ZNF385D: variants seen among roughly 807,000 people sequenced by gnomAD.
ZNF385D encodes the protein zinc finger protein 385D, also known as zinc finger protein 659.
ZNF385D carries 15 observed loss-of-function variants against 35.8 expected under a neutral mutation model. The observed-to-expected ratio is 0.42, with a 90% CI of 0.28 to 0.64. ZNF385D has a LOEUF of 0.64. Among genes scored for constraint, ZNF385D ranks in the 30% least tolerant of loss-of-function variants. ZNF385D has a pLI of 0.23. For synonymous variants in ZNF385D, 212 were observed against 186.8 expected, an observed-to-expected ratio of 1.13 and a Z score of -1.10; for missense variants, 474 against 494.6, an observed-to-expected ratio of 0.96 and a Z score of 0.39.
chr3:21,564,475 G>T (rs1160045916), intron 3 of ZNF385D, 99 bp downstream of exon 3: 2 of 640,888 alleles, frequency 3.1e-6, no homozygotes, highest in Non-Finnish European at 4.9e-6. Context: ...GACATGCTCA[G>T]TTACTGGAGA....
intron 2 of ZNF385D, among the ~76,000 whole-genome samples, chr3:21,621,502 A>T (rs2065004446): frequency 6.6e-6 from 1 of 151,886 alleles, no homozygotes; most frequent in African/African-American, 2.4e-5. Flanking sequence ...TTGACAAGGC[A>T]TTGAGCAAGA....
chr3:22,366,666 T>C (rs910274449), intron 2 of ZNF385D, among the ~76,000 whole-genome samples: 4 of 152,202 alleles, frequency 2.6e-5, no homozygotes, highest in Non-Finnish European at 4.4e-5. Context: ...CCTGTACTCC[T>C]CAGTCCTTAC....
intron 2 of ZNF385D, among the ~76,000 whole-genome samples, chr3:22,233,553 T>G (rs1699014443): frequency 6.6e-6 from 1 of 152,176 alleles, no homozygotes; most frequent in Admixed American, 6.6e-5. Flanking sequence ...TATGTGCGTA[T>G]TATTGCATGC....
intron 3 of ZNF385D, among the ~76,000 whole-genome samples, chr3:22,018,031 C>T (rs1000926105): frequency 1.3e-5 from 2 of 151,708 alleles, no homozygotes; most frequent in African/African-American, 2.4e-5. Context: ...ATATAGAACT[C>T]TACTATTTTT....
chr3:22,129,395 T>C lies in ZNF385D; in HGVS notation c.325+39422A>G, dbSNP rs369857209. Among the ~76,000 whole-genome samples the C allele has an allele frequency of 1.1e-4, 17 of 152,306 alleles. 1 individual carries two copies. Among genetic ancestry groups the C allele is most frequent in the Admixed American group, 7.2e-4 (11 of 15,290 alleles). ...AGCGGGTGATGAATCCTGCCAGGACTAAGTCTTTTCCTTCAGTGCAGCAGG... is the reference window on the plus strand; with the variant it reads ...AGCGGGTGATGAATCCTGCCAGGACCAAGTCTTTTCCTTCAGTGCAGCAGG... On this transcript the variant is annotated intron_variant, in intron 3 of 5. Coordinates refer to the ZNF385D transcript ENST00000494108.
intron 3 of ZNF385D, among the ~76,000 whole-genome samples, chr3:21,546,526 T>A (rs1445702739): frequency 6.6e-6 from 1 of 151,926 alleles, no homozygotes; most frequent in Non-Finnish European, 1.5e-5. Context: ...CACCTTAGAT[T>A]TGGCTTATGA....
rs1448538994 is a variant in ZNF385D at position 21,983,217 on chromosome 3, G to A, written c.325+185600C>T. 2.1e-5 allele frequency among the ~76,000 whole-genome samples: 3 copies of A among 144,966 alleles called. No individual in the cohort carries two copies. The Admixed American group carries it at 2.1e-4, about 10-fold the overall frequency. ...TTAGGGTACATGTGCACATTGTGCAGGTTAGTTACATATGTATACATGTGC... is the reference window on the plus strand; with the variant it reads ...TTAGGGTACATGTGCACATTGTGCAAGTTAGTTACATATGTATACATGTGC... On this transcript the variant is annotated intron_variant, in intron 3 of 5. Coordinates refer to the ZNF385D transcript ENST00000494108.
At chr3:22,304,880 T>A (rs1032567740) in intron 2 of ZNF385D, among the ~76,000 whole-genome samples, 1 of 152,152 alleles carries the variant, frequency 6.6e-6, no homozygotes, top group Non-Finnish European at 1.5e-5. Flanking sequence ...GGGTACTTTG[T>A]TTCATTATAG....
intron 3 of ZNF385D, among the ~76,000 whole-genome samples, chr3:21,900,026 A>T (rs1316061199): frequency 2.0e-5 from 3 of 152,160 alleles, no homozygotes; most frequent in Non-Finnish European, 2.9e-5. Context: ...TTTCAACCCT[A>T]TGTTCAAAAA....
At chr3:22,319,486 T>G (rs537069506) in intron 2 of ZNF385D, among the ~76,000 whole-genome samples, 154 of 152,196 alleles carry the variant, frequency 1.0e-3, no homozygotes, top group Admixed American at 2.0e-3. Context: ...CTGGGAAACT[T>G]TGGGGAAAAG....
intron 2 of ZNF385D, among the ~76,000 whole-genome samples, chr3:22,207,133 C>G (rs73145056): frequency 0.023 from 3,469 of 151,868 alleles, 141 homozygotes; most frequent in African/African-American, 0.079. Context: ...CAACAGTAAG[C>G]CAATGAATTT....
chr3:22,138,561 T>C (rs1704301171), intron 3 of ZNF385D, among the ~76,000 whole-genome samples: 1 of 151,254 alleles, frequency 6.6e-6, no homozygotes, highest in African/African-American at 2.4e-5. Flanking sequence ...AAACAAGAAA[T>C]GGGGAAAGGA....
At chr3:21,667,612 G>A (rs1157920656) in intron 1 of ZNF385D, among the ~76,000 whole-genome samples, 1 of 152,204 alleles carries the variant, frequency 6.6e-6, no homozygotes, top group East Asian at 1.9e-4. Context: ...AAACTCTGCA[G>A]TTGTTTATCT....
At chr3:21,537,096 CAG>C (rs936796443) in intron 3 of ZNF385D, among the ~76,000 whole-genome samples, 2 of 144,222 alleles carry the variant, frequency 1.4e-5, no homozygotes, top group East Asian at 2.0e-4. Flanking sequence ...CAATGCAAAA[CAG>C]AAATTCATGG....
chr3:21,775,659 G>A (rs1257763610), intron 3 of ZNF385D, among the ~76,000 whole-genome samples: 8 of 151,718 alleles, frequency 5.3e-5, no homozygotes, highest in Non-Finnish European at 2.9e-5. Flanking sequence ...CTTCATAGAT[G>A]TTTGTTGTTT....
At chr3:21,814,128 C>A (rs574908168) in intron 3 of ZNF385D, among the ~76,000 whole-genome samples, 12 of 152,248 alleles carry the variant, frequency 7.9e-5, no homozygotes, top group Non-Finnish European at 1.0e-4. Flanking sequence ...GAAATAAAAT[C>A]CTTTACAGAC....
At chr3:21,831,361 T>C (rs1030942218) in intron 3 of ZNF385D, among the ~76,000 whole-genome samples, 7 of 152,106 alleles carry the variant, frequency 4.6e-5, no homozygotes, top group African/African-American at 1.4e-4. Flanking sequence ...GGCAAGAACA[T>C]AGTAGGTAAT....
intron 3 of ZNF385D, among the ~76,000 whole-genome samples, chr3:21,995,800 T>C (rs978185006): frequency 6.6e-6 from 1 of 151,792 alleles, no homozygotes; most frequent in African/African-American, 2.4e-5. Flanking sequence ...TACTGCTAGT[T>C]GGTAGGGAGA....
At chr3:22,031,145 T>G (rs942866390) in intron 3 of ZNF385D, among the ~76,000 whole-genome samples, 1 of 152,178 alleles carries the variant, frequency 6.6e-6, no homozygotes, top group Admixed American at 6.5e-5. Flanking sequence ...TGGTGTTGAG[T>G]GCCTGCAGCT....
Sources: allele counts gnomAD v4.1 joint callset (sites outside exome capture counted in the v4.1 genomes callset), GRCh38; gene constraint gnomAD v4.1.1; transcripts MANE v1.5; gene names NCBI Gene and HGNC (gene_info 2026-07-23, HGNC 2026-07-21).